DLG2: variants seen among roughly 807,000 people sequenced by gnomAD.
DLG2 encodes the protein discs large MAGUK scaffold protein 2.
In DLG2, 45 loss-of-function variants were observed where a neutral mutation model predicts 132.5. The ratio of observed to expected loss-of-function variants is 0.34; its 90% CI spans 0.27 to 0.44. The LOEUF (loss-of-function observed/expected upper bound fraction) is 0.44. Ranked by LOEUF, DLG2 falls within the 20% of genes least tolerant of loss-of-function variation. The probability of loss-of-function intolerance (pLI) is 1.00; values close to 1 mark genes in which losing one functional copy is unlikely to be tolerated. For synonymous variants in DLG2, 424 were observed against 419.6 expected (o/e 1.01, Z -0.13); for missense variants, 1,045 against 1,196.9 (o/e 0.87, Z 1.87).
chr11:85,195,728 G>A (rs952356098), intron 4 of DLG2, among the ~76,000 whole-genome samples: 5 of 151,718 alleles, frequency 3.3e-5, no homozygotes, highest in East Asian at 2.0e-4. Flanking sequence ...GGGTTTCACC[G>A]TGTTAGCCAG....
chr11:84,585,055 C>T (rs939288939), intron 6 of DLG2, among the ~76,000 whole-genome samples: 14 of 151,976 alleles, frequency 9.2e-5, no homozygotes, highest in African/African-American at 2.9e-4. Flanking sequence ...TTTTAAGATA[C>T]GCTTCCTAAT....
chr11:85,003,047 C>T (rs2058350286), intron 6 of DLG2, among the ~76,000 whole-genome samples: 1 of 151,858 alleles, frequency 6.6e-6, no homozygotes, highest in Admixed American at 6.6e-5. Context: ...TACTAACAGG[C>T]TGCTTAAGTT....
At chr11:84,834,390 G>A (rs985526736) in intron 6 of DLG2, among the ~76,000 whole-genome samples, 3 of 151,478 alleles carry the variant, frequency 2.0e-5, no homozygotes, top group African/African-American at 4.8e-5. Context: ...CAACTTTAAA[G>A]GTAAACAGCT....
At chr11:85,235,044 C>A (rs899499109) in intron 4 of DLG2, among the ~76,000 whole-genome samples, 1 of 151,916 alleles carries the variant, frequency 6.6e-6, no homozygotes, top group East Asian at 1.9e-4. Flanking sequence ...TTAAGGAAGA[C>A]AATATTTTAA....
At chr11:84,013,414 A>T (rs1232103638) in intron 11 of DLG2, among the ~76,000 whole-genome samples, 1 of 152,182 alleles carries the variant, frequency 6.6e-6, no homozygotes, top group Non-Finnish European at 1.5e-5. Flanking sequence ...AAAAATAAAT[A>T]ACTGCAGCAT....
chr11:85,429,046 T>C (rs2090982706), intron 3 of DLG2, among the ~76,000 whole-genome samples: 1 of 152,102 alleles, frequency 6.6e-6, no homozygotes, highest in South Asian at 2.1e-4. Context: ...GCTAAATTCC[T>C]CAACACATAC....
chr11:84,162,973 A>G (rs1004792513), intron 9 of DLG2, among the ~76,000 whole-genome samples: 5 of 152,244 alleles, frequency 3.3e-5, no homozygotes, highest in Middle Eastern at 3.4e-3. Flanking sequence ...GCACTTTGCC[A>G]GGACCCTACC....
chr11:85,399,932 G>A (rs1204591792), intron 3 of DLG2, among the ~76,000 whole-genome samples: 2 of 152,056 alleles, frequency 1.3e-5, no homozygotes, highest in African/African-American at 4.8e-5. Context: ...TTGACCAATG[G>A]GATCTAATTA....
chr11:85,146,031 C>T lies in DLG2; in HGVS notation c.282+8525G>A, dbSNP rs151168368. Among the ~76,000 whole-genome samples the T allele has an allele frequency of 2.0e-4, 30 of 152,152 alleles. No homozygotes were observed. In the East Asian group the frequency reaches 5.4e-3, roughly 28 times the overall value. ...GGGTGTGGTGATCGAAGTCTCTGGT[C>T]ACTGAAGCCATATCAACACTGGGAG... On this transcript the variant is annotated intron_variant, in intron 5 of 27. Transcript: ENST00000376104.
chr11:83,666,327 G>A (rs1189783836), intron 18 of DLG2, among the ~76,000 whole-genome samples: 3 of 152,202 alleles, frequency 2.0e-5, no homozygotes, highest in Non-Finnish European at 4.4e-5. Context: ...ATGGCCTGCA[G>A]GAACTGGGCC....
chr11:84,932,315 T>A (rs768380508), intron 6 of DLG2, among the ~76,000 whole-genome samples: 2 of 152,140 alleles, frequency 1.3e-5, no homozygotes, highest in African/African-American at 2.4e-5. Flanking sequence ...AGGAACAAGG[T>A]CCATCTTCAA....
Position 85,414,485 on chromosome 11 carries a change from A to G in DLG2, c.41-129120T>C, listed in dbSNP as rs141714120. ...TGCTTGATATAATTTCAATTTTCGT[A>G]AATTTGTTGAGGCTCATTTTGTGGC... is the stretch of plus-strand genomic sequence containing the variant. On this transcript the variant is annotated intron_variant, in intron 3 of 27. Transcript: ENST00000376104. Among the ~76,000 whole-genome samples, 440 of 151,860 alleles carry G rather than the reference A, an allele frequency of 2.9e-3. 1 individual carries two copies. The highest frequency in any genetic ancestry group is 0.01 in the African/African-American group (427 of 41,482).
intron 9 of DLG2, among the ~76,000 whole-genome samples, chr11:84,120,540 T>C (rs1356249579): frequency 1.3e-5 from 2 of 152,206 alleles, no homozygotes; most frequent in Non-Finnish European, 2.9e-5. Context: ...ATAAATTAAA[T>C]AGTGGTCTAG....
chr11:83,818,938 T>A (rs1041696991), intron 17 of DLG2, among the ~76,000 whole-genome samples: 2 of 152,194 alleles, frequency 1.3e-5, no homozygotes, highest in Non-Finnish European at 2.9e-5. Flanking sequence ...AGTTTTTACA[T>A]GTTTATGCAA....
At chr11:83,769,754 G>A (rs1469621104) in intron 18 of DLG2, among the ~76,000 whole-genome samples, 2 of 151,876 alleles carry the variant, frequency 1.3e-5, no homozygotes, top group Non-Finnish European at 2.9e-5. Context: ...TAGTAGAGAC[G>A]GGGTTTCACC....
rs904035174 is a variant in DLG2 at position 83,861,888 on chromosome 11, G to A, written c.1565+12532C>T. ...CTCAAAGAGTATAATTGCATTGTTT[G>A]TAACTCAAAGGATAAATGCTTGAGG... is the stretch of plus-strand genomic sequence containing the variant. On this transcript the variant is annotated intron_variant, in intron 16 of 27. Coordinates refer to ENST00000376104, the MANE Select transcript of DLG2 (RefSeq NM_001142699.3). Among the ~76,000 whole-genome samples the A allele has an allele frequency of 5.3e-5, 8 of 152,214 alleles. No homozygotes were observed. The East Asian group carries it at 1.4e-3, about 26-fold the overall frequency.
In DLG2 at chr11:84,829,755, G is replaced by A. The variant is rs529210055; in HGVS notation, c.357+281906C>T. ...AGTACAGATAAAGCCTTCAATAAGTGCTAGTTAAATCAAAAGATACTTGAG... is the reference window on the plus strand; with the variant it reads ...AGTACAGATAAAGCCTTCAATAAGTACTAGTTAAATCAAAAGATACTTGAG... On this transcript the variant is annotated intron_variant, in intron 6 of 27. Coordinates refer to ENST00000376104, the MANE Select transcript of DLG2 (RefSeq NM_001142699.3). Among the ~76,000 whole-genome samples, 15 of 151,742 alleles carry A rather than the reference G, an allele frequency of 9.9e-5. No individual in the cohort carries two copies. In the South Asian group the frequency reaches 2.7e-3, roughly 27 times the overall value.
intron 11 of DLG2, among the ~76,000 whole-genome samples, chr11:84,029,662 C>A (rs973373708): frequency 6.6e-6 from 1 of 152,016 alleles, no homozygotes; most frequent in African/African-American, 2.4e-5. Context: ...GTGGCAGGTC[C>A]CAGGACTCTC....
intron 7 of DLG2, among the ~76,000 whole-genome samples, chr11:84,391,042 G>A (rs2098790957): frequency 6.6e-6 from 1 of 152,218 alleles, no homozygotes; most frequent in South Asian, 2.1e-4. Context: ...ACTGAGACAC[G>A]TGTCCCCATC....
Sources: gnomAD v4.1 joint callset for allele counts (sites outside exome capture counted in the v4.1 genomes callset) on GRCh38, gnomAD v4.1.1 for gene constraint, MANE v1.5 for transcripts, NCBI Gene and HGNC (gene_info 2026-07-23, HGNC 2026-07-21) for gene names.